The following TRDN variants were observed in gnomAD, a reference collection of about 807,000 sequenced individuals.
TRDN encodes triadin.
Under a neutral mutation model 149.7 loss-of-function variants are expected in TRDN, and 161 were observed. That is an observed-to-expected ratio of 1.08 (90% CI 0.95 to 1.23). The LOEUF is 1.23. Ranked by LOEUF, TRDN falls within the 50% of genes most tolerant of loss-of-function variation. The pLI, the probability that TRDN is intolerant of heterozygous loss-of-function variation, is 0.00. For missense variants in TRDN, 896 were observed against 823.5 expected (o/e 1.09, Z -1.08); for synonymous variants, 294 against 250.5 (o/e 1.17, Z -1.64).
At chr6:123,501,907 CA>C (rs1778716839) in intron 8 of TRDN, 24 of 980,804 alleles carry the variant, frequency 2.4e-5, no homozygotes, top group Non-Finnish European at 2.9e-5. Context: ...GGAAAATAAA[CA>C]TTATTTTAAA....
chr6:123,461,667 G>A (rs1236964256), intron 10 of TRDN, among the ~76,000 whole-genome samples: 1 of 152,112 alleles, frequency 6.6e-6, no homozygotes, highest in Non-Finnish European at 1.5e-5. Flanking sequence ...CTTGGTAATC[G>A]GGAAGAGGGC....
chr6:123,542,747 C>A (rs115646703), intron 4 of TRDN, among the ~76,000 whole-genome samples: 2,375 of 151,916 alleles, frequency 0.016, 30 homozygotes, highest in Admixed American at 0.022. Flanking sequence ...CACTAAGATA[C>A]CTATGCTGAA....
chr6:123,371,132 A>G (rs780164339), intron 19 of TRDN, among the ~76,000 whole-genome samples: 1 of 152,158 alleles, frequency 6.6e-6, no homozygotes, highest in East Asian at 1.9e-4. Context: ...AAATCCTCCC[A>G]TATTTCAAGA....
chr6:123,383,040 T>C (rs573031605), intron 14 of TRDN, among the ~76,000 whole-genome samples: 3 of 152,180 alleles, frequency 2.0e-5, no homozygotes, highest in African/African-American at 7.2e-5. Flanking sequence ...CTGCAAAAGG[T>C]AGCTAAATTG....
At chr6:123,279,009 T>C (rs1777479755) in intron 25 of TRDN, 47 bp downstream of exon 25, 1 of 1,538,630 alleles carries the variant, frequency 6.5e-7, no homozygotes, top group African/African-American at 1.4e-5. Context: ...TTTATGTATG[T>C]ATGTACATAT....
At chr6:123,243,800 A>G (rs1210104658) in intron 38 of TRDN, among the ~76,000 whole-genome samples, 1 of 152,056 alleles carries the variant, frequency 6.6e-6, no homozygotes, top group Non-Finnish European at 1.5e-5. Flanking sequence ...TTTTTTTGTT[A>G]CAGTTAGGAT....
intron 12 of TRDN, among the ~76,000 whole-genome samples, chr6:123,409,543 A>C (rs530553018): frequency 1.3e-5 from 2 of 152,340 alleles, no homozygotes; most frequent in South Asian, 4.1e-4. Flanking sequence ...AAAGGTATTC[A>C]TTCTTCCTAC....
chr6:123,424,022 C>T (rs1183833673), intron 12 of TRDN, among the ~76,000 whole-genome samples: 10 of 152,156 alleles, frequency 6.6e-5, no homozygotes, highest in African/African-American at 1.9e-4. Flanking sequence ...AGGGGAAGGG[C>T]CATTCACCAA....
intron 12 of TRDN, among the ~76,000 whole-genome samples, chr6:123,401,804 G>A (rs1488278929): frequency 1.3e-5 from 2 of 152,008 alleles, no homozygotes; most frequent in Non-Finnish European, 2.9e-5. Context: ...AAAATTAGCT[G>A]GGTGTGGGGG....
intron 9 of TRDN, among the ~76,000 whole-genome samples, chr6:123,495,769 TAA>T (rs887415090): frequency 6.6e-6 from 1 of 151,948 alleles, no homozygotes; most frequent in Non-Finnish European, 1.5e-5. Flanking sequence ...ATGAACAAAT[TAA>T]AGTTATAACA....
chr6:123,410,539 A>G (rs1008741154), intron 12 of TRDN, among the ~76,000 whole-genome samples: 1 of 152,228 alleles, frequency 6.6e-6, no homozygotes, highest in Non-Finnish European at 1.5e-5. Flanking sequence ...TATTTTAAGT[A>G]TATATTTATT....
At chr6:123,308,149 A>G (rs1403660143) in intron 24 of TRDN, among the ~76,000 whole-genome samples, 1 of 152,034 alleles carries the variant, frequency 6.6e-6, no homozygotes. Context: ...CACTTAGGAT[A>G]ACGACTTCCA....
intron 23 of TRDN, among the ~76,000 whole-genome samples, chr6:123,321,536 C>T (rs1293968501): frequency 6.6e-6 from 1 of 151,998 alleles, no homozygotes; most frequent in African/African-American, 2.4e-5. Context: ...ACCACTACTA[C>T]ACACAAAGAC....
chr6:123,441,682 C>G (rs994351649), intron 10 of TRDN, among the ~76,000 whole-genome samples: 1 of 152,188 alleles, frequency 6.6e-6, no homozygotes, highest in Non-Finnish European at 1.5e-5. Flanking sequence ...GGGCTTTTCT[C>G]TTGCTTTTAA....
chr6:123,591,085 C>T (rs1009374078), intron 1 of TRDN, among the ~76,000 whole-genome samples: 78 of 152,072 alleles, frequency 5.1e-4, no homozygotes, highest in African/African-American at 1.9e-3. Context: ...TTAGTGACTC[C>T]AGAATTAATG....
intron 33 of TRDN, among the ~76,000 whole-genome samples, chr6:123,263,603 C>T (rs1042379821): frequency 1.3e-5 from 2 of 151,964 alleles, no homozygotes; most frequent in African/African-American, 4.8e-5. Flanking sequence ...GTACTCCAGC[C>T]TGGTGACAGA....
chr6:123,278,939 C>CT, intron 25 of TRDN, 117 bp downstream of exon 25: 1 of 990,500 alleles, frequency 1.0e-6, no homozygotes, highest in South Asian at 2.1e-5. Flanking sequence ...AAGCCTTTGA[C>CT]TTTAAGCAAA....
At chr6:123,388,665 A>C in intron 13 of TRDN, 114 bp from the exon 14 acceptor site, 1 of 1,091,498 alleles carries the variant, frequency 9.2e-7, no homozygotes, top group Non-Finnish European at 1.3e-6. Context: ...CCTATACACT[A>C]ATCAATTCAT....
At chr6:123,423,718 G>C (rs1027759951) in intron 12 of TRDN, among the ~76,000 whole-genome samples, 1 of 152,114 alleles carries the variant, frequency 6.6e-6, no homozygotes, top group East Asian at 1.9e-4. Flanking sequence ...TCATAGTCTT[G>C]AAATACCTTT....
Sources: gnomAD v4.1 joint callset for allele counts (sites outside exome capture counted in the v4.1 genomes callset) on GRCh38, gnomAD v4.1.1 for gene constraint, MANE v1.5 for transcripts, NCBI Gene and HGNC (gene_info 2026-07-23, HGNC 2026-07-21) for gene names.